ZNF516: variants seen among roughly 807,000 people sequenced by gnomAD.
ZNF516 encodes the protein zinc finger protein 516.
Under a neutral mutation model 79.7 loss-of-function variants are expected in ZNF516, and 19 were observed. The ratio of observed to expected loss-of-function variants is 0.24; its 90% CI spans 0.17 to 0.35. The LOEUF (loss-of-function observed/expected upper bound fraction) is 0.35, where lower values mean the gene tolerates loss of function less well. Among genes scored for constraint, ZNF516 ranks in the 10% least tolerant of loss-of-function variants. ZNF516 has a pLI of 1.00. For missense variants in ZNF516, 1,678 were observed against 1,679.5 expected, an observed-to-expected ratio of 1.00 and a Z score of 0.02; for synonymous variants, 877 against 739.5, an observed-to-expected ratio of 1.19 and a Z score of -3.02.
At position 76,378,915 on chromosome 18, in the gene ZNF516, T is replaced by C; in HGVS notation, c.3199A>G (p.Lys1067Glu). ...CCCTGGTAGAGGGTCGCAAAGTCCT[T>C]TGGAATGTACGTCTTAAAGATGTTG... is the stretch of plus-strand genomic sequence containing the variant. ...ILNIFKTYIP[K>E]DFATLYQGWG... The change falls in exon 4 of 7, where the codon AAG becomes GAG. Residue 1067 changes from lysine to glutamate, a missense_variant. Lys to Glu is a moderately conservative substitution (Grantham distance 56). Around this residue, in one of 5 missense-constraint regions of ZNF516, gnomAD observed 1,294 missense variants for 1,248.3 expected, o/e 1.04. Coordinates refer to ENST00000443185, the MANE Select transcript of ZNF516 (RefSeq NM_014643.4). 1 of 1,613,830 alleles carries C rather than the reference T, an allele frequency of 6.2e-7. No homozygotes were observed. Among genetic ancestry groups the C allele is most frequent in the Non-Finnish European group, 8.5e-7 (1 of 1,179,818 alleles).
chr18:76,454,300 AAC>A (rs1481729990), intron 2 of ZNF516, among the ~76,000 whole-genome samples: 4 of 152,386 alleles, frequency 2.6e-5, no homozygotes, highest in African/African-American at 9.6e-5. Context: ...AAAAGAAAAA[AAC>A]AGATACGCTG....
chr18:76,496,168 G>A (rs1915473403), upstream of ZNF516: 4 of 963,284 alleles, frequency 4.2e-6, no homozygotes, highest in South Asian at 3.3e-5. Context: ...GCGCGCGGGG[G>A]CGGGGGAGGG....
chr18:76,418,822 A>G (rs2075469944), intron 3 of ZNF516, among the ~76,000 whole-genome samples: 2 of 152,278 alleles, frequency 1.3e-5, no homozygotes, highest in African/African-American at 4.8e-5. Flanking sequence ...AAATGATGTT[A>G]AATCCCATTT....
chr18:76,466,866 T>C (rs894996930), intron 1 of ZNF516, among the ~76,000 whole-genome samples: 3 of 152,148 alleles, frequency 2.0e-5, no homozygotes, highest in African/African-American at 7.2e-5. Context: ...CACCAGGACC[T>C]GGAGTCTATG....
chr18:76,364,160 C>A (rs923425121), intron 6 of ZNF516, among the ~76,000 whole-genome samples: 7 of 152,198 alleles, frequency 4.6e-5, no homozygotes, highest in Non-Finnish European at 8.8e-5. Flanking sequence ...TCGGGATAAG[C>A]CAAACAACTA....
intron 3 of ZNF516, among the ~76,000 whole-genome samples, chr18:76,390,985 C>A (rs1421338855): frequency 1.3e-5 from 2 of 152,092 alleles, no homozygotes; most frequent in African/African-American, 4.8e-5. Context: ...AGCTCACACC[C>A]CACAGCGCTG....
At chr18:76,492,499 C>A (rs370347368) in intron 1 of ZNF516, 3 of 430,504 alleles carry the variant, frequency 7.0e-6, no homozygotes, top group East Asian at 1.6e-4. Flanking sequence ...AGGGACTAGG[C>A]ATCAACTCCC....
intron 1 of ZNF516, chr18:76,490,106 C>G (rs1005737284): frequency 2.1e-6 from 2 of 960,300 alleles, no homozygotes; most frequent in Non-Finnish European, 2.5e-6. Context: ...CACCAAAATT[C>G]AAATTCAATT....
intron 1 of ZNF516, among the ~76,000 whole-genome samples, chr18:76,480,159 TAAAAAAAA>T (rs539724418): frequency 1.8e-5 from 2 of 109,206 alleles, no homozygotes; most frequent in South Asian, 3.2e-4. Flanking sequence ...AGATTTTGTG[TAAAAAAAA>T]AAAAAAAAAA....
intron 3 of ZNF516, among the ~76,000 whole-genome samples, chr18:76,421,778 G>A (rs1220910516): frequency 1.3e-5 from 2 of 152,162 alleles, no homozygotes; most frequent in Non-Finnish European, 2.9e-5. Context: ...TTTACCTACA[G>A]TAAGAAAGTG....
rs897178274 is a variant in ZNF516 at position 76,362,501 on chromosome 18, G to A, written c.3489C>T (p.Thr1163=). ...GGGGTGCGTCGGAAACACGCCTTTA[G>A]GTTCCCTTTCTCAGAGGCACTGTCT... ...TVQTVPLRKG[T] is the part of the protein sequence containing the mutation. The change falls in exon 7 of 7, where the codon ACC becomes ACT. Residue 1163 remains threonine, a synonymous_variant. Coordinates refer to ENST00000443185, the MANE Select transcript of ZNF516 (RefSeq NM_014643.4). The A allele has an allele frequency of 4.3e-6, 7 of 1,613,084 alleles. No individual in the cohort carries two copies. The highest frequency in any genetic ancestry group is 4.0e-5 in the African/African-American group (3 of 74,906).
intron 1 of ZNF516, chr18:76,492,462 C>A: frequency 9.8e-6 from 7 of 713,180 alleles, no homozygotes; most frequent in Non-Finnish European, 1.2e-5. Flanking sequence ...TCACTGGCCA[C>A]GAGCGCTTCA....
At chr18:76,475,482 C>T (rs182903353) in intron 1 of ZNF516, among the ~76,000 whole-genome samples, 2 of 152,174 alleles carry the variant, frequency 1.3e-5, no homozygotes, top group African/African-American at 4.8e-5. Flanking sequence ...AAAATTCCAC[C>T]TCGGGGAACT....
At chr18:76,407,284 G>T (rs1382792068) in intron 3 of ZNF516, among the ~76,000 whole-genome samples, 2 of 152,130 alleles carry the variant, frequency 1.3e-5, no homozygotes, top group East Asian at 1.9e-4. Context: ...AATTAGCCAG[G>T]CATGGTGGTG....
chr18:76,409,229 G>A (rs1418927181), intron 3 of ZNF516, among the ~76,000 whole-genome samples: 1 of 152,116 alleles, frequency 6.6e-6, no homozygotes, highest in East Asian at 1.9e-4. Flanking sequence ...GATATGTTTT[G>A]TACATTTATA....
intron 1 of ZNF516, among the ~76,000 whole-genome samples, chr18:76,484,659 G>A (rs1211590021): frequency 1.3e-5 from 2 of 152,072 alleles, no homozygotes; most frequent in African/African-American, 2.4e-5. Flanking sequence ...CACTCTCGAC[G>A]GCCCCCTTAA....
At chr18:76,452,640 A>G (rs1912485651) in intron 2 of ZNF516, among the ~76,000 whole-genome samples, 1 of 152,248 alleles carries the variant, frequency 6.6e-6, no homozygotes. Context: ...TCCAAGAGGA[A>G]AGAGAGAACT....
chr18:76,396,849 G>A (rs543094821), intron 3 of ZNF516, among the ~76,000 whole-genome samples: 1 of 152,304 alleles, frequency 6.6e-6, no homozygotes, highest in Non-Finnish European at 1.5e-5. Context: ...ATATGATGTA[G>A]AAAATGCACG....
chr18:76,378,154 G>C (rs565378200), intron 4 of ZNF516: 1 of 152,358 alleles, frequency 6.6e-6, no homozygotes, highest in African/African-American at 2.4e-5. Context: ...TTATGTTCCA[G>C]AACGGGGCAC....
Sources: gnomAD v4.1 joint callset for allele counts (sites outside exome capture counted in the v4.1 genomes callset) on GRCh38, gnomAD v4.1.1 for gene constraint, gnomAD v4.1.1 regional missense constraint, MANE v1.5 for transcripts, NCBI Gene and HGNC (gene_info 2026-07-23, HGNC 2026-07-21) for gene names.